FOCAD: variants seen among roughly 807,000 people sequenced by gnomAD.
FOCAD encodes the protein focadhesin.
A neutral mutation model predicts 225.6 loss-of-function variants in FOCAD; 198 were observed. That is an observed-to-expected ratio of 0.88 (90% CI 0.78 to 0.99). The LOEUF is 0.99. Ranked by LOEUF, FOCAD falls within the 50% of genes least tolerant of loss-of-function variation. FOCAD has a pLI of 0.00. For missense variants in FOCAD, 2,713 were observed against 2,123.6 expected, an observed-to-expected ratio of 1.28 and a Z score of -5.46; for synonymous variants, 897 against 755.0, an observed-to-expected ratio of 1.19 and a Z score of -3.08.
chr9:20,810,673 C>T (rs1175216407), intron 11 of FOCAD, among the ~76,000 whole-genome samples: 1 of 151,992 alleles, frequency 6.6e-6, no homozygotes, highest in African/African-American at 2.4e-5. Flanking sequence ...ACCATTACAT[C>T]ATGATTTAAG....
In FOCAD at chr9:20,697,649, G is replaced by A. The variant is rs141036433; in HGVS notation, c.-33+13356G>A. Among the ~76,000 whole-genome samples, 813 of 152,292 alleles carry A rather than the reference G, an allele frequency of 5.3e-3. 9 individuals carry two copies. Among genetic ancestry groups the A allele is most frequent in the South Asian group, 0.033 (157 of 4,818 alleles). ...TTTATTCTTCGGCAGATGCCAAAAC[G>A]TTTAAAGACCTCTCTAAAATTTACC... On this transcript the variant is annotated intron_variant, in intron 1 of 43. Coordinates refer to ENST00000338382, the MANE Select transcript of FOCAD (RefSeq NM_001375567.1).
rs1340328087 is a variant in FOCAD, at chr9:20,926,408, G to T, written c.3069G>T (p.Trp1023Cys). 6.3e-7 allele frequency: 1 copy of T among 1,587,602 alleles called. No individual in the cohort carries two copies. The highest frequency in any genetic ancestry group is 2.2e-5 in the East Asian group (1 of 44,750). Residue 1023 changes from tryptophan (W) to cysteine (C), a missense_variant, in exon 26 of 44, where the codon TGG (tryptophan) becomes TGT (cysteine). Coordinates refer to ENST00000338382, the MANE Select transcript of FOCAD (RefSeq NM_001375567.1). ...HYQPRGQLLS[W>C]FYYKSYSGEN... ...AACCCAGAGGGCAACTTCTCTCCTG[G>T]TTTTATTATGTAAGTGCAAAAAATA...
Position 20,933,042 on chromosome 9 carries a change from C to A in FOCAD, c.3346C>A (p.Leu1116Ile). 1.2e-6 allele frequency: 2 copies of A among 1,613,922 alleles called. No homozygotes were observed. Among genetic ancestry groups the A allele is most frequent in the Non-Finnish European group, 1.7e-6 (2 of 1,179,862 alleles). ...SDISGQEMNL[L>I]LMKSLDALEN... Reference sequence around the variant, plus strand: ...TATATCTGGCCAAGAGATGAACCTTCTTCTGATGAAGTCGTTGGATGCCCT... The same window carrying A: ...TATATCTGGCCAAGAGATGAACCTTATTCTGATGAAGTCGTTGGATGCCCT... The change falls in exon 28 of 44, where the codon CTT becomes ATT. Residue 1116 changes from leucine to isoleucine, a missense_variant. Coordinates refer to ENST00000338382, the MANE Select transcript of FOCAD (RefSeq NM_001375567.1).
intron 1 of FOCAD, among the ~76,000 whole-genome samples, chr9:20,700,202 A>G (rs938811730): frequency 6.6e-6 from 1 of 152,042 alleles, no homozygotes; most frequent in African/African-American, 2.4e-5. Context: ...CACAGAGGTG[A>G]TACTGTGGGT....
intron 8 of FOCAD, among the ~76,000 whole-genome samples, chr9:20,773,317 A>C (rs1818421457): frequency 6.6e-6 from 1 of 152,248 alleles, no homozygotes. Context: ...AAATGGTTCA[A>C]ACTAGTGTGC....
Position 20,929,398 on chromosome 9 carries a change from G to T in FOCAD, c.3119G>T (p.Arg1040Leu). 11 of 1,614,042 alleles carry T rather than the reference G, an allele frequency of 6.8e-6. No homozygotes were observed. The highest frequency in any genetic ancestry group is 7.6e-6 in the Non-Finnish European group (9 of 1,180,020). The change falls in exon 27 of 44, where the codon CGT becomes CTT. Residue 1040 changes from arginine (R) to leucine (L), a missense_variant. Arg to Leu is a moderately radical substitution (Grantham distance 102). Transcript: ENST00000338382. ...SGENTASAIA[R>L]SAAATALSLL... ...GAAAACACAGCTAGTGCCATTGCCC[G>T]TTCTGCTGCCGCCACGGCTTTGTCT...
At chr9:20,782,730 A>G (rs868379547) in intron 10 of FOCAD, among the ~76,000 whole-genome samples, 3 of 152,212 alleles carry the variant, frequency 2.0e-5, no homozygotes, top group African/African-American at 4.8e-5. Context: ...GAGAGGCACT[A>G]TGTAAATACA....
chr9:20,834,066 G>C (rs191319051), intron 15 of FOCAD, among the ~76,000 whole-genome samples: 29 of 152,058 alleles, frequency 1.9e-4, no homozygotes, highest in African/African-American at 7.0e-4. Flanking sequence ...GTTAAGGATA[G>C]CATATTTGAA....
At chr9:20,782,061 G>T in intron 10 of FOCAD, 132 bp downstream of exon 10, 1 of 730,420 alleles carries the variant, frequency 1.4e-6, no homozygotes, top group South Asian at 1.7e-5. Flanking sequence ...AGTGCTGTTG[G>T]AGATCTCAAC....
intron 21 of FOCAD, among the ~76,000 whole-genome samples, chr9:20,893,225 TG>T (rs1458496192): frequency 6.6e-6 from 1 of 152,092 alleles, no homozygotes; most frequent in Non-Finnish European, 1.5e-5. Flanking sequence ...GTATGTACAT[TG>T]TTTTTTTTAA....
chr9:20,700,176 A>G (rs1057436885), intron 1 of FOCAD, among the ~76,000 whole-genome samples: 1 of 151,990 alleles, frequency 6.6e-6, no homozygotes, highest in Admixed American at 6.6e-5. Context: ...AATTCCTTTT[A>G]CCCCAATGGG....
At chr9:20,675,942 C>T (rs1219451171) in intron 2 of FOCAD, among the ~76,000 whole-genome samples, 2 of 152,158 alleles carry the variant, frequency 1.3e-5, no homozygotes, top group African/African-American at 4.8e-5. Flanking sequence ...GAATTAGCCT[C>T]TATGAATCGT....
intron 11 of FOCAD, among the ~76,000 whole-genome samples, 158 bp downstream of exon 11, chr9:20,789,766 T>TA (rs1820331696): frequency 9.2e-5 from 14 of 152,254 alleles, no homozygotes; most frequent in Admixed American, 8.5e-4. Flanking sequence ...TTTTTTCTTC[T>TA]TTTTCCTTAC....
At chr9:20,943,781 A>C (rs1014344260) in intron 28 of FOCAD, among the ~76,000 whole-genome samples, 2 of 152,210 alleles carry the variant, frequency 1.3e-5, no homozygotes, top group Non-Finnish European at 2.9e-5. Flanking sequence ...TTCTGAAAAA[A>C]CATTGCATTT....
At chr9:20,916,623 T>A (rs969379469) in intron 23 of FOCAD, among the ~76,000 whole-genome samples, 7 of 152,212 alleles carry the variant, frequency 4.6e-5, no homozygotes, top group Admixed American at 4.6e-4. Flanking sequence ...CTGTCTGAGA[T>A]AATACTGTTA....
At chr9:20,755,814 G>T (rs1328487557) in intron 5 of FOCAD, among the ~76,000 whole-genome samples, 1 of 151,808 alleles carries the variant, frequency 6.6e-6, no homozygotes, top group Non-Finnish European at 1.5e-5. Flanking sequence ...GTGTTTTTTT[G>T]TTTGTTTGTT....
rs534021770 is a variant in FOCAD at position 20,995,462 on chromosome 9, T to C, written c.5333-94T>C. On this transcript the variant is annotated intron_variant, in intron 43 of 43. Transcript: ENST00000338382. ...GATGGAACTCCCTAGTCTTGAACAT[T>C]AGCCAAGTGAGAAAAAGACAAATTC... 23 of 969,024 alleles carry C rather than the reference T, an allele frequency of 2.4e-5. No individual in the cohort carries two copies. In the Admixed American group the frequency reaches 4.0e-4, roughly 17 times the overall value. 60.0% of individuals were successfully genotyped at this position (969,024 alleles called of 1,614,324 possible).
chr9:20,675,503 A>G (rs1170922670), intron 2 of FOCAD, among the ~76,000 whole-genome samples: 1 of 152,240 alleles, frequency 6.6e-6, no homozygotes, highest in Non-Finnish European at 1.5e-5. Flanking sequence ...CAGATTCATC[A>G]CAATATTCCC....
intron 35 of FOCAD, among the ~76,000 whole-genome samples, chr9:20,968,590 T>TACAC (rs1253263077): frequency 2.6e-5 from 4 of 151,686 alleles, no homozygotes; most frequent in Admixed American, 1.3e-4. Context: ...TACAGGCGTC[T>TACAC]GCCACCATGC....
Sources: gnomAD v4.1 joint callset for allele counts (sites outside exome capture counted in the v4.1 genomes callset) on GRCh38, gnomAD v4.1.1 for gene constraint, MANE v1.5 for transcripts, NCBI Gene and HGNC (gene_info 2026-07-23, HGNC 2026-07-21) for gene names.